The following DISC1 variants were observed in gnomAD, a reference collection of about 807,000 sequenced individuals.
DISC1 encodes the protein disrupted in schizophrenia 1 protein.
Under a neutral mutation model 84.5 loss-of-function variants are expected in DISC1, and 57 were observed. The observed-to-expected ratio is 0.67, with a 90% CI of 0.55 to 0.84. DISC1 has a LOEUF of 0.84. DISC1 is among the 40% of genes least tolerant of loss of function. The pLI is 0.00. For synonymous variants in DISC1, 411 were observed against 415.2 expected (o/e 0.99, Z 0.12); for missense variants, 1,000 against 1,057.8 (o/e 0.95, Z 0.76).
intron 9 of DISC1, among the ~76,000 whole-genome samples, chr1:231,892,107 A>G (rs1353118028): frequency 6.6e-6 from 1 of 152,170 alleles, no homozygotes; most frequent in Non-Finnish European, 1.5e-5. Context: ...TTGCTCTACC[A>G]AGAGAAAAAT....
Position 231,800,102 on chromosome 1 carries a change from C to A in DISC1, c.1690-6C>A. The stretch of plus-strand genomic sequence containing the variant: ...TGATGATTCCTGGTCATTTCTCTCC[C>A]CCTAGGTGTGTATGAGTGAGAAATT... On this transcript the variant is annotated splice_polypyrimidine_tract_variant and splice_region_variant and intron_variant, in intron 7 of 12. Coordinates refer to ENST00000439617, the MANE Select transcript of DISC1 (RefSeq NM_018662.3). 6.2e-7 allele frequency: 1 copy of A among 1,604,248 alleles called. No individual in the cohort carries two copies. The highest frequency in any genetic ancestry group is 1.3e-5 in the African/African-American group (1 of 74,296).
chr1:231,756,251 A>T (rs981547954), intron 4 of DISC1, among the ~76,000 whole-genome samples: 6 of 152,196 alleles, frequency 3.9e-5, no homozygotes, highest in African/African-American at 1.4e-4. Flanking sequence ...CTCATCAGTC[A>T]CACTGCCTCT....
chr1:231,958,454 A>G (rs1188310623), intron 9 of DISC1, among the ~76,000 whole-genome samples: 1 of 152,198 alleles, frequency 6.6e-6, no homozygotes, highest in Admixed American at 6.5e-5. Context: ...GAATCATTAC[A>G]CTGTCAGGTT....
intron 9 of DISC1, among the ~76,000 whole-genome samples, chr1:231,920,921 T>A (rs2089958223): frequency 6.6e-6 from 1 of 150,762 alleles, no homozygotes; most frequent in South Asian, 2.1e-4. Context: ...TTTTTTTTTT[T>A]TTTGAGATGG....
At chr1:231,983,566 A>C (rs1572480661) in intron 10 of DISC1, among the ~76,000 whole-genome samples, 1 of 89,418 alleles carries the variant, frequency 1.1e-5, no homozygotes, top group Non-Finnish European at 2.2e-5. Context: ...GAGGTAGAGG[A>C]GTGGCAGGGA....
chr1:231,956,219 A>C (rs772521352), intron 9 of DISC1, among the ~76,000 whole-genome samples: 19 of 152,102 alleles, frequency 1.2e-4, no homozygotes, highest in Non-Finnish European at 1.3e-4. Context: ...ACAGCTGTCC[A>C]TTTTTCATAT....
intron 8 of DISC1, among the ~76,000 whole-genome samples, chr1:231,806,867 G>A (rs1558578679): frequency 6.6e-6 from 1 of 152,238 alleles, no homozygotes; most frequent in Admixed American, 6.5e-5. Flanking sequence ...CTCTAGGGCC[G>A]AGAGTGTGGC....
rs1350953507 is a variant in DISC1, at chr1:231,818,482, T to A, written c.1946T>A (p.Leu649Gln). Reference sequence around the variant, plus strand: ...AGTGTTAAAGAAGATTACAACAGACTGAGAAGAGAAGTGGAGCACCAGGAG... The same window carrying A: ...AGTGTTAAAGAAGATTACAACAGACAGAGAAGAGAAGTGGAGCACCAGGAG... ...LGSVKEDYNR[L>Q]RREVEHQETA... Residue 649 changes from leucine (L) to glutamine (Q), a missense_variant, in exon 9 of 13, where the codon CTG (leucine) becomes CAG (glutamine). By Grantham distance (113) the Leu-to-Gln change is moderately radical (BLOSUM62 -2). Transcript: ENST00000439617. 6.2e-7 allele frequency: 1 copy of A among 1,614,136 alleles called. No individual in the cohort carries two copies. Among genetic ancestry groups the A allele is most frequent in the African/African-American group, 1.3e-5 (1 of 75,028 alleles).
rs189074632 is a variant in DISC1, at chr1:231,992,304, T to C, written c.2043-16481T>C. ...ATATTGGATGCAAATCACGTGTTGA[T>C]TGGCTGGTTTTTTTTCTTCCTCTGC... On this transcript the variant is annotated intron_variant, in intron 10 of 12. Transcript: ENST00000439617. 5.9e-5 allele frequency among the ~76,000 whole-genome samples: 9 copies of C among 152,358 alleles called. No homozygotes were observed. The East Asian group carries it at 1.7e-3, about 29-fold the overall frequency.
At chr1:231,642,367 G>A (rs1358574262) in intron 1 of DISC1, among the ~76,000 whole-genome samples, 3 of 152,134 alleles carry the variant, frequency 2.0e-5, no homozygotes, top group Admixed American at 6.5e-5. Context: ...GTGCAGCGGC[G>A]GGCGGAAGGG....
chr1:231,961,755 C>T (rs1660409773), intron 10 of DISC1, among the ~76,000 whole-genome samples: 1 of 152,096 alleles, frequency 6.6e-6, no homozygotes, highest in Non-Finnish European at 1.5e-5. Context: ...ATAAATGTAC[C>T]ATGTTTTCTT....
At chr1:231,679,870 A>C (rs778386578) in intron 1 of DISC1, among the ~76,000 whole-genome samples, 1 of 152,208 alleles carries the variant, frequency 6.6e-6, no homozygotes, top group Non-Finnish European at 1.5e-5. Context: ...CATCAACTCC[A>C]AATGCTAATG....
At chr1:231,885,777 A>G (rs1397304110) in intron 9 of DISC1, among the ~76,000 whole-genome samples, 1 of 152,190 alleles carries the variant, frequency 6.6e-6, no homozygotes, top group Non-Finnish European at 1.5e-5. Context: ...GGAGGCAGAG[A>G]AAGAGGTGGT....
At chr1:231,643,508 C>T (rs1348240338) in intron 1 of DISC1, among the ~76,000 whole-genome samples, 2 of 152,190 alleles carry the variant, frequency 1.3e-5, no homozygotes, top group Non-Finnish European at 2.9e-5. Context: ...ACAGAGAATA[C>T]TAGCTACCTC....
At chr1:231,717,358 T>G (rs901455905) in intron 3 of DISC1, among the ~76,000 whole-genome samples, 1 of 152,238 alleles carries the variant, frequency 6.6e-6, no homozygotes, top group East Asian at 1.9e-4. Flanking sequence ...ATAGGAGGGA[T>G]TGGTCTTTTC....
chr1:232,018,261 T>C (rs1351414569), intron 11 of DISC1, among the ~76,000 whole-genome samples: 1 of 152,240 alleles, frequency 6.6e-6, no homozygotes, highest in South Asian at 2.1e-4. Context: ...TTTCATAATA[T>C]ATTCCCTACC....
intron 9 of DISC1, among the ~76,000 whole-genome samples, chr1:231,930,143 T>G (rs992898070): frequency 6.6e-6 from 1 of 152,114 alleles, no homozygotes; most frequent in Non-Finnish European, 1.5e-5. Context: ...TAATAGAGAG[T>G]TTCAGAAAAT....
rs376444368 is a variant in DISC1, at chr1:231,719,681, A to T, written c.1117+17657A>T. 2.0e-5 allele frequency among the ~76,000 whole-genome samples: 3 copies of T among 152,352 alleles called. No individual in the cohort carries two copies. The East Asian group carries it at 5.8e-4, about 29-fold the overall frequency. ...ATACTCACTGGTAAAATATTTAGGT[A>T]TTTTAGATCTGCTAGAGATAGGCTT... On this transcript the variant is annotated intron_variant, in intron 3 of 12. Coordinates refer to ENST00000439617, the MANE Select transcript of DISC1 (RefSeq NM_018662.3).
chr1:231,989,480 A>C (rs1179933056), intron 10 of DISC1, among the ~76,000 whole-genome samples: 2 of 152,252 alleles, frequency 1.3e-5, no homozygotes, highest in Admixed American at 1.3e-4. Flanking sequence ...AGGGAAGCGC[A>C]TGTACATGGA....
Sources: gnomAD v4.1 joint callset for allele counts (sites outside exome capture counted in the v4.1 genomes callset) on GRCh38, gnomAD v4.1.1 for gene constraint, MANE v1.5 for transcripts, NCBI Gene and HGNC (gene_info 2026-07-23, HGNC 2026-07-21) for gene names.